The following ZNF629 variants were observed in gnomAD, a reference collection of about 807,000 sequenced individuals.
The protein encoded by ZNF629 is DNA-binding protein.
In ZNF629, 9 loss-of-function variants were observed where a neutral mutation model predicts 59.7. The ratio of observed to expected loss-of-function variants is 0.15; its 90% CI spans 0.09 to 0.26. The LOEUF is 0.26. Ranked by LOEUF, ZNF629 falls within the 10% of genes least tolerant of loss-of-function variation. ZNF629 has a pLI of 1.00. For synonymous variants in ZNF629, 509 were observed against 498.9 expected, an observed-to-expected ratio of 1.02 and a Z score of -0.27; for missense variants, 853 against 1,165.4, an observed-to-expected ratio of 0.73 and a Z score of 3.90.
Position 30,782,163 on chromosome 16 carries a change from C to T in ZNF629, c.2165G>A (p.Ser722Asn), listed in dbSNP as rs1293062797. ...CAGCAGCTCAGAGCTGAGGCCAAAG[C>T]TTTGTTTGCATTCAGGGCATTTAAA... ...KPFKCPECKQ[S>N]FGLSSELLLH... Residue 722 changes from serine (S) to asparagine (N), a missense_variant, in exon 3 of 3, where the codon AGC becomes AAC. Ser to Asn is a conservative substitution (Grantham distance 46). Transcript: ENST00000262525. The T allele has an allele frequency of 1.9e-6, 3 of 1,613,412 alleles. No individual in the cohort carries two copies. Among genetic ancestry groups the T allele is most frequent in the Non-Finnish European group, 2.5e-6 (3 of 1,179,886 alleles).
In ZNF629 at chr16:30,786,831, G is replaced by A. The variant is rs2054337642; in HGVS notation, c.-34+197C>T. On this transcript the variant is annotated intron_variant, in intron 1 of 2. Coordinates refer to ENST00000262525, the MANE Select transcript of ZNF629 (RefSeq NM_001080417.3). The surrounding 1 kb of genome is among the most constrained non-coding windows in gnomAD (Gnocchi z 4.8). ...CAGAATCCCCAGGCTCCCCTCCCCC[G>A]CCACCGACCCCCGCGCTTCCCAGAA... is the stretch of plus-strand genomic sequence containing the variant. Among the ~76,000 whole-genome samples, 1 of 127,110 alleles carries A rather than the reference G, an allele frequency of 7.9e-6. No individual in the cohort carries two copies. The highest frequency in any genetic ancestry group is 3.0e-5 in the African/African-American group (1 of 33,622). 83.4% of individuals were successfully genotyped at this position (127,110 alleles called of 152,430 possible). A position where few individuals can be genotyped will look rare whatever the true frequency, so the allele number is the denominator to read the frequency against.
At chr16:30,785,444 A>G (rs4889508) in intron 1 of ZNF629, among the ~76,000 whole-genome samples, 148,177 of 152,242 alleles carry the variant, frequency 0.97, 72,210 homozygotes, top group Middle Eastern at 1. Context: ...ACTCATGCTC[A>G]TGGGAGGCTG....
In ZNF629 at chr16:30,781,640, C is replaced by T; in HGVS notation, c.*78G>A. On this transcript the variant is annotated 3_prime_UTR_variant, in exon 3 of 3. Transcript: ENST00000262525. ...CCATCTGATAGGGTTATCCTCCCTT[C>T]CCCATGTAATTTTTTTGGGGGAAAA... 1 of 1,390,788 alleles carries T rather than the reference C, an allele frequency of 7.2e-7. No individual in the cohort carries two copies. Among genetic ancestry groups the T allele is most frequent in the Non-Finnish European group, 9.5e-7 (1 of 1,050,440 alleles). 86.2% of individuals were successfully genotyped at this position (1,390,788 alleles called of 1,614,324 possible).
rs549014661 is a variant in ZNF629, at chr16:30,781,827, T to C, written c.2501A>G (p.Lys834Arg). ...ATAGGGCTTTTCTTCCACTAGGGTTTTGGGGTTTTGCCCTTCCCCATGGCT... is the reference window on the plus strand; with the variant it reads ...ATAGGGCTTTTCTTCCACTAGGGTTCTGGGGTTTTGCCCTTCCCCATGGCT... ...SSSHGEGQNP[K>R]TLVEEKPYLC... The change falls in exon 3 of 3, where the codon AAA becomes AGA. Residue 834 changes from lysine to arginine, a missense_variant. Physicochemically the swap from Lys to Arg is conservative, Grantham distance 26. Coordinates refer to ENST00000262525, the MANE Select transcript of ZNF629 (RefSeq NM_001080417.3). 39 of 1,604,028 alleles carry C rather than the reference T, an allele frequency of 2.4e-5. 1 individual carries two copies. In the South Asian group the frequency reaches 3.8e-4, roughly 16 times the overall value.
chr16:30,782,716 T>G lies in ZNF629; in HGVS notation c.1612A>C (p.Arg538=). The G allele has an allele frequency of 1.2e-6, 2 of 1,612,704 alleles. No homozygotes were observed. Among genetic ancestry groups the G allele is most frequent in the South Asian group, 2.2e-5 (2 of 91,014 alleles). Residue 538 remains arginine (R), a synonymous_variant, in exon 3 of 3, where the codon AGG becomes CGG. Transcript: ENST00000262525. ...ELEQHRVIHE[R]GKTPARRAQG... ...GCCCTACGCGCTGGGGTCTTCCCCC[T>G]CTCATGGATCACCCGGTGCTGCTCC...
At position 30,784,523 on chromosome 16, in the gene ZNF629, G is replaced by A. The variant is rs1210354781; in HGVS notation, c.-33-8C>T. On this transcript the variant is annotated splice_region_variant and splice_polypyrimidine_tract_variant and intron_variant, in intron 1 of 2. Transcript: ENST00000262525. ...TGCAGTGTTCCAGGGACCCTGCGGG[G>A]GAAGACAGCGATGAGCGCACACTGG... 2 of 1,502,540 alleles carry A rather than the reference G, an allele frequency of 1.3e-6. No homozygotes were observed. The highest frequency in any genetic ancestry group is 1.8e-6 in the Non-Finnish European group (2 of 1,128,186). 93.1% of individuals were successfully genotyped at this position (1,502,540 alleles called of 1,614,324 possible).
rs2054279339 is a variant in ZNF629, at chr16:30,781,343, T to C, written c.*375A>G. ...CTTCCCCGACCCTATAGGATTTTCC[T>C]AAGGATTTTGATACAATTTTATAGG... On this transcript the variant is annotated 3_prime_UTR_variant, in exon 3 of 3. Coordinates refer to ENST00000262525, the MANE Select transcript of ZNF629 (RefSeq NM_001080417.3). 1 of 161,622 alleles carries C rather than the reference T, an allele frequency of 6.2e-6. No homozygotes were observed. Among genetic ancestry groups the C allele is most frequent in the Non-Finnish European group, 1.3e-5 (1 of 74,300 alleles). The allele number at this position is 161,622 out of a possible 1,614,324, so 10.0% of individuals were successfully genotyped here.
Position 30,783,284 on chromosome 16 carries a change from G to A in ZNF629, c.1044C>T (p.Cys348=), listed in dbSNP as rs747443919. ...GGCCGAAGCTCTTGCCGCACTCTAGGCACTCGTAGGGCTTCTCGCCTGTGT... is the reference window on the plus strand; with the variant it reads ...GGCCGAAGCTCTTGCCGCACTCTAGACACTCGTAGGGCTTCTCGCCTGTGT... ...RTHTGEKPYE[C]LECGKSFGHS... is the part of the protein sequence containing the mutation. The change falls in exon 3 of 3, where the codon TGC becomes TGT. Residue 348 remains cysteine (C), a synonymous_variant. Coordinates refer to ENST00000262525, the MANE Select transcript of ZNF629 (RefSeq NM_001080417.3). 6.8e-6 allele frequency: 11 copies of A among 1,614,092 alleles called. No homozygotes were observed. The South Asian group carries it at 8.8e-5, about 13-fold the overall frequency.
intron 1 of ZNF629, among the ~76,000 whole-genome samples, chr16:30,785,859 A>AAAATAAATAAATAAAT (rs55733443): frequency 0.33 from 46,223 of 139,724 alleles, 8,571 homozygotes; most frequent in Middle Eastern, 0.44. Context: ...GCCCCCTGGT[A>AAAATAAATAAATAAAT]AAATAAATAA....
In ZNF629 at chr16:30,783,262, C is replaced by G. The variant is rs1433949627; in HGVS notation, c.1066G>C (p.Gly356Arg). The change falls in exon 3 of 3, where the codon GGC becomes CGC. Residue 356 changes from glycine to arginine, a missense_variant. Physicochemically the swap from Gly to Arg is moderately radical, Grantham distance 125. Around this residue, in one of 3 missense-constraint regions of ZNF629, gnomAD observed 201 missense variants for 536.5 expected, o/e 0.37. Transcript: ENST00000262525. ...TGCTTGATGAGGGTGGAGCTGTGGC[C>G]GAAGCTCTTGCCGCACTCTAGGCAC... ...YECLECGKSF[G>R]HSSTLIKHQR... 1 of 1,545,138 alleles carries G rather than the reference C, an allele frequency of 6.5e-7. No individual in the cohort carries two copies. The highest frequency in any genetic ancestry group is 8.7e-7 in the Non-Finnish European group (1 of 1,151,570).
Position 30,784,032 on chromosome 16 carries a change from A to G in ZNF629, c.296T>C (p.Val99Ala), listed in dbSNP as rs765391171. The G allele has an allele frequency of 1.9e-5, 29 of 1,535,314 alleles. No individual in the cohort carries two copies. Among genetic ancestry groups the G allele is most frequent in the African/African-American group, 7.3e-5 (5 of 68,750 alleles). Residue 99 changes from valine to alanine, a missense_variant, in exon 3 of 3, where the codon GTA becomes GCA. Around this residue, in one of 3 missense-constraint regions of ZNF629, gnomAD observed 232 missense variants for 193.4 expected, o/e 1.20. Transcript: ENST00000262525. ...QIPLDPPAPE[V>A]VPTPSDWTKA... The stretch of plus-strand genomic sequence containing the variant: ...GGTCCAGTCAGATGGGGTAGGGACT[A>G]CCTCCGGGGCTGGGGGGTCCAGGGG...
intron 2 of ZNF629, 69 bp downstream of exon 2, chr16:30,784,331 TGTCCCCCAGA>T (rs1361868185): frequency 5.8e-6 from 9 of 1,547,288 alleles, no homozygotes; most frequent in Non-Finnish European, 7.8e-6. Flanking sequence ...CTCCCCCGGG[TGTCCCCCAGA>T]GTCCAGGCCC....
chr16:30,786,260 G>A lies in ZNF629; in HGVS notation c.-34+768C>T, dbSNP rs1404910439. 2.6e-5 allele frequency among the ~76,000 whole-genome samples: 4 copies of A among 152,182 alleles called. No individual in the cohort carries two copies. Among genetic ancestry groups the A allele is most frequent in the African/African-American group, 9.7e-5 (4 of 41,436 alleles). On this transcript the variant is annotated intron_variant, in intron 1 of 2. Transcript: ENST00000262525. The surrounding 1 kb of genome is among the most constrained non-coding windows in gnomAD (Gnocchi z 4.8). ...CGCCTGTAAGTGTCTTTGGGGTGGT[G>A]GAAGCGGAGACCTCTGCCACACTGG...
In ZNF629 at chr16:30,781,975, G is replaced by C; in HGVS notation, c.2353C>G (p.Arg785Gly). The C allele has an allele frequency of 6.4e-7, 1 of 1,555,794 alleles. No individual in the cohort carries two copies. The highest frequency in any genetic ancestry group is 8.7e-7 in the Non-Finnish European group (1 of 1,151,772). The change falls in exon 3 of 3, where the codon CGG (arginine) becomes GGG (glycine). Residue 785 changes from arginine to glycine, a missense_variant. Around this residue, in one of 3 missense-constraint regions of ZNF629, gnomAD observed 420 missense variants for 435.6 expected, o/e 0.96. Transcript: ENST00000262525. ...ASFLDRVALT[R>G]HQETHTQEKP... The stretch of plus-strand genomic sequence containing the variant: ...TCCTGGGTGTGGGTTTCTTGGTGCC[G>C]GGTGAGGGCCACGCGGTCGAGGAAG...
At position 30,782,777 on chromosome 16, in the gene ZNF629, G is replaced by A. The variant is rs774373582; in HGVS notation, c.1551C>T (p.Ser517=). Reference sequence around the variant, plus strand: ...CTTCCAGGAAGGCCTTCCCGCAGTCGGAGCACACGAACAGGTTCTCGTCCA... The same window carrying A: ...CTTCCAGGAAGGCCTTCCCGCAGTCAGAGCACACGAACAGGTTCTCGTCCA... ...THMDENLFVC[S]DCGKAFLEAH... The change falls in exon 3 of 3, where the codon TCC becomes TCT. Residue 517 remains serine (S), a synonymous_variant. Transcript: ENST00000262525. 2.5e-6 allele frequency: 4 copies of A among 1,613,772 alleles called. No homozygotes were observed. The highest frequency in any genetic ancestry group is 1.1e-5 in the South Asian group (1 of 91,096).
In ZNF629 at chr16:30,783,972, A is replaced by G; in HGVS notation, c.356T>C (p.Leu119Pro). The change falls in exon 3 of 3, where the codon CTC becomes CCC. Residue 119 changes from leucine (L) to proline (P), a missense_variant. By Grantham distance (98) the Leu-to-Pro change is moderately conservative (BLOSUM62 -3). Coordinates refer to ENST00000262525, the MANE Select transcript of ZNF629 (RefSeq NM_001080417.3). ...GACTGGGGGGCTGTTCCATGTGGTG[A>G]GAGCGCCCCACTGCCAGCTGGCCTC... The part of the protein sequence containing the change: ...ACEASWQWGA[L>P]TTWNSPPVVP... The G allele has an allele frequency of 6.3e-7, 1 of 1,579,704 alleles. No individual in the cohort carries two copies. The highest frequency in any genetic ancestry group is 8.6e-7 in the Non-Finnish European group (1 of 1,162,874).
Position 30,782,815 on chromosome 16 carries a change from C to T in ZNF629, c.1513G>A (p.Val505Ile). Residue 505 changes from valine to isoleucine, a missense_variant, in exon 3 of 3, where the codon GTC becomes ATC. Transcript: ENST00000262525. The part of the protein sequence containing the change: ...FSQSSNLITH[V>I]RTHMDENLFV... ...AGGTTCTCGTCCATGTGCGTGCGGA[C>T]GTGGGTAATAAGGTTGGAGCTCTGG... 1 of 1,613,912 alleles carries T rather than the reference C, an allele frequency of 6.2e-7. No individual in the cohort carries two copies. Among genetic ancestry groups the T allele is most frequent in the Non-Finnish European group, 8.5e-7 (1 of 1,179,934 alleles).
Position 30,787,057 on chromosome 16 carries a change from CGGAATCCAGCCCCA to C in ZNF629, c.-77_-64del, listed in dbSNP as rs1006066330. On this transcript the variant is annotated 5_prime_UTR_variant, in exon 1 of 3. Transcript: ENST00000262525. ...CTGGGGTCTGGGAAAAGCCGGAAGG[CGGAATCCAGCCCCA>C]GGGGACTTAACCCCTTCAGTGCCCT... The C allele has an allele frequency of 1.3e-5, 2 of 152,700 alleles. No homozygotes were observed. Among genetic ancestry groups the C allele is most frequent in the Non-Finnish European group, 2.9e-5 (2 of 68,112 alleles). The allele number at this position is 152,700 out of a possible 1,614,324, so 9.5% of individuals were successfully genotyped here. A position where few individuals can be genotyped will look rare whatever the true frequency, so the allele number is the denominator to read the frequency against.
Position 30,787,050 on chromosome 16 carries a change from C to G in ZNF629, c.-56G>C, listed in dbSNP as rs1567296522. The G allele has an allele frequency of 6.5e-6, 1 of 152,798 alleles. No individual in the cohort carries two copies. Among genetic ancestry groups the G allele is most frequent in the Admixed American group, 6.5e-5 (1 of 15,308 alleles). 9.5% of individuals were successfully genotyped at this position (152,798 alleles called of 1,614,324 possible). Reference sequence around the variant, plus strand: ...CACGGCTCTGGGGTCTGGGAAAAGCCGGAAGGCGGAATCCAGCCCCAGGGG... The same window carrying G: ...CACGGCTCTGGGGTCTGGGAAAAGCGGGAAGGCGGAATCCAGCCCCAGGGG... On this transcript the variant is annotated 5_prime_UTR_variant, in exon 1 of 3. Transcript: ENST00000262525.
Sources: gnomAD v4.1 joint callset for allele counts (sites outside exome capture counted in the v4.1 genomes callset) on GRCh38, gnomAD v4.1.1 for gene constraint, gnomAD v4.1.1 regional missense constraint, Gnocchi (gnomAD v3.1) non-coding constraint, MANE v1.5 for transcripts, NCBI Gene and HGNC (gene_info 2026-07-23, HGNC 2026-07-21) for gene names.